The following LARGE1 variants were observed in gnomAD, a reference collection of about 807,000 sequenced individuals.
LARGE1 encodes the protein LARGE xylosyl- and glucuronyltransferase 1, also known as xylosyl- and glucuronyltransferase LARGE1.
Under a neutral mutation model 87.6 loss-of-function variants are expected in LARGE1, and 43 were observed. That is an observed-to-expected ratio of 0.49 (90% CI 0.38 to 0.63). The LOEUF (loss-of-function observed/expected upper bound fraction) is 0.63. Ranked by LOEUF, LARGE1 falls within the 30% of genes least tolerant of loss-of-function variation. LARGE1 has a pLI of 0.00. For synonymous variants in LARGE1, 434 were observed against 394.6 expected (o/e 1.10, Z -1.18); for missense variants, 802 against 1,000.2 (o/e 0.80, Z 2.67).
chr22:33,367,700 T>C (rs998083785), intron 9 of LARGE1, among the ~76,000 whole-genome samples: 1 of 152,180 alleles, frequency 6.6e-6, no homozygotes, highest in Non-Finnish European at 1.5e-5. Flanking sequence ...TTGCTGGGAT[T>C]ACAGGCATGA....
chr22:33,339,088 C>T (rs552835222), intron 9 of LARGE1, among the ~76,000 whole-genome samples: 78 of 147,172 alleles, frequency 5.3e-4, no homozygotes, highest in Non-Finnish European at 9.3e-4. Context: ...GTGGAGGTTG[C>T]GGTGGGCCGA....
At chr22:33,125,343 T>A in the LARGE1 span, among the ~76,000 whole-genome samples, 1 of 152,118 alleles carries the variant, frequency 6.6e-6, no homozygotes, top group South Asian at 2.1e-4. Flanking sequence ...GTGAAAAAAA[T>A]TGACAAGATT....
intron 5 of LARGE1, among the ~76,000 whole-genome samples, chr22:33,580,816 G>A (rs1234059438): frequency 1.3e-5 from 2 of 152,168 alleles, no homozygotes; most frequent in Admixed American, 1.3e-4. Flanking sequence ...ATGTTATTTA[G>A]CCAGTAGTGA....
chr22:33,674,719 T>C (rs1026798507), intron 2 of LARGE1, among the ~76,000 whole-genome samples: 4 of 152,144 alleles, frequency 2.6e-5, no homozygotes, highest in Admixed American at 2.0e-4. Context: ...TAAAGGCCCA[T>C]GGTCCTCAAC....
intron 1 of LARGE1, among the ~76,000 whole-genome samples, chr22:33,808,301 C>T (rs1158679885): frequency 6.6e-6 from 1 of 152,152 alleles, no homozygotes; most frequent in South Asian, 2.1e-4. Flanking sequence ...TGCATATTTT[C>T]TTTGGGGAGG....
the LARGE1 span, among the ~76,000 whole-genome samples, chr22:33,114,981 G>A: frequency 6.6e-6 from 1 of 152,096 alleles, no homozygotes; most frequent in Non-Finnish European, 1.5e-5. Flanking sequence ...AAATTCATAT[G>A]CCTTACCTTG....
At chr22:33,082,506 T>C in the LARGE1 span, among the ~76,000 whole-genome samples, 2 of 152,204 alleles carry the variant, frequency 1.3e-5, no homozygotes, top group Non-Finnish European at 2.9e-5. Flanking sequence ...GCTTGACATC[T>C]GCTATTGATT....
At chr22:33,370,665 C>G (rs577978414) in intron 9 of LARGE1, among the ~76,000 whole-genome samples, 2 of 151,560 alleles carry the variant, frequency 1.3e-5, no homozygotes, top group Non-Finnish European at 2.9e-5. Context: ...GGTGTGGTTA[C>G]CAACATGTAC....
chr22:33,554,459 CT>C (rs996380045), intron 6 of LARGE1, among the ~76,000 whole-genome samples: 10 of 152,142 alleles, frequency 6.6e-5, no homozygotes, highest in African/African-American at 2.2e-4. Flanking sequence ...GAAGAGACCC[CT>C]GGCCCCGACC....
chr22:33,220,637 T>C (rs75310286), intron 11 of LARGE1, among the ~76,000 whole-genome samples: 199 of 152,346 alleles, frequency 1.3e-3, no homozygotes, highest in Middle Eastern at 3.4e-3. Flanking sequence ...GGAACAGGTA[T>C]TGAGGGATAA....
chr22:33,761,668 C>T lies in LARGE1; in HGVS notation c.-82-110G>A, dbSNP rs567811011. 2.4e-5 allele frequency: 15 copies of T among 624,788 alleles called. No homozygotes were observed. The East Asian group carries it at 3.4e-4, about 14-fold the overall frequency. The allele number at this position is 624,788 out of a possible 1,614,324, so 38.7% of individuals were successfully genotyped here. A position where few individuals can be genotyped will look rare whatever the true frequency, so the allele number is the denominator to read the frequency against. On this transcript the variant is annotated intron_variant, in intron 1 of 14. Transcript: ENST00000397394. Reference sequence around the variant, plus strand: ...CTGAAAGGGGTTCAACTGATCTAGGCTTCCTGCTAACCTTTCATCCCAAGA... The same window carrying T: ...CTGAAAGGGGTTCAACTGATCTAGGTTTCCTGCTAACCTTTCATCCCAAGA...
At chr22:33,817,469 C>T (rs1355685050) in intron 1 of LARGE1, among the ~76,000 whole-genome samples, 3 of 152,094 alleles carry the variant, frequency 2.0e-5, no homozygotes, top group South Asian at 2.1e-4. Flanking sequence ...GCAGGGGACC[C>T]GTGGGGCAGA....
At chr22:33,520,324 C>T (rs1212486617) in intron 6 of LARGE1, among the ~76,000 whole-genome samples, 2 of 152,142 alleles carry the variant, frequency 1.3e-5, no homozygotes, top group Admixed American at 6.6e-5. Context: ...AATCCTTGCA[C>T]CTCAGCCTCC....
intron 1 of LARGE1, among the ~76,000 whole-genome samples, chr22:33,873,838 C>T (rs2064380206): frequency 6.6e-6 from 1 of 152,016 alleles, no homozygotes; most frequent in South Asian, 2.1e-4. Flanking sequence ...CTCCATGTCA[C>T]AAGAAGCCAA....
chr22:33,197,468 C>T (rs1263086729), intron 11 of LARGE1, among the ~76,000 whole-genome samples: 1 of 151,802 alleles, frequency 6.6e-6, no homozygotes, highest in Non-Finnish European at 1.5e-5. Context: ...GTTAATAAAA[C>T]TCAATTGTCT....
chr22:33,373,677 G>A (rs573599660), intron 9 of LARGE1, among the ~76,000 whole-genome samples: 2 of 150,394 alleles, frequency 1.3e-5, no homozygotes. Flanking sequence ...ATTATGGCTT[G>A]TCCATTAAAT....
At chr22:33,484,689 C>T (rs2069488552) in intron 6 of LARGE1, among the ~76,000 whole-genome samples, 3 of 152,116 alleles carry the variant, frequency 2.0e-5, no homozygotes. Context: ...TTGTCTCCTC[C>T]AAACTGTTTT....
chr22:33,670,928 T>C (rs980569379), intron 2 of LARGE1, among the ~76,000 whole-genome samples: 2 of 152,240 alleles, frequency 1.3e-5, no homozygotes, highest in African/African-American at 4.8e-5. Flanking sequence ...TATTTCATTT[T>C]ACCTACGGGT....
At chr22:33,770,422 CTATAA>C (rs1189794122) in intron 1 of LARGE1, among the ~76,000 whole-genome samples, 2 of 152,160 alleles carry the variant, frequency 1.3e-5, no homozygotes, top group Non-Finnish European at 2.9e-5. Context: ...TGGCTCATGC[CTATAA>C]TCCCAACATT....
Sources: allele counts gnomAD v4.1 joint callset (sites outside exome capture counted in the v4.1 genomes callset), GRCh38; gene constraint gnomAD v4.1.1; transcripts MANE v1.5; gene names NCBI Gene and HGNC (gene_info 2026-07-23, HGNC 2026-07-21).